ARSG: variants seen among roughly 807,000 people sequenced by gnomAD.
ARSG encodes the protein ASG.
A neutral mutation model predicts 50.5 loss-of-function variants in ARSG; 37 were observed. The ratio of observed to expected loss-of-function variants is 0.73; its 90% CI spans 0.56 to 0.96. ARSG has a LOEUF of 0.96. Ranked by LOEUF, ARSG falls within the 50% of genes least tolerant of loss-of-function variation. ARSG has a pLI of 0.00. For synonymous variants in ARSG, 225 were observed against 254.6 expected (o/e 0.88, Z 1.11); for missense variants, 629 against 675.3 (o/e 0.93, Z 0.76).
chr17:68,305,905 G>C (rs972537506), intron 1 of ARSG, among the ~76,000 whole-genome samples: 16 of 152,058 alleles, frequency 1.1e-4, no homozygotes, highest in Admixed American at 3.9e-4. Flanking sequence ...GTGAAACCCC[G>C]TTTCTACCAA....
chr17:68,450,171 A>AC, the ARSG span, among the ~76,000 whole-genome samples: 37 of 152,076 alleles, frequency 2.4e-4, no homozygotes, highest in Admixed American at 6.5e-4. Flanking sequence ...TACAAAAAAA[A>AC]CAAAAAGTCT....
At chr17:68,347,949 A>G (rs8066423) in intron 4 of ARSG, among the ~76,000 whole-genome samples, 5,220 of 152,188 alleles carry the variant, frequency 0.034, 274 homozygotes, top group African/African-American at 0.12. Context: ...AAACGGCTGA[A>G]TTGTTCTGTC....
At chr17:68,356,903 AGAGTTT>A in intron 6 of ARSG, 99 bp downstream of exon 6, 2 of 1,471,736 alleles carry the variant, frequency 1.4e-6, no homozygotes, top group South Asian at 1.2e-5. Flanking sequence ...AGGCCATGGC[AGAGTTT>A]TGCTGCTCAG....
chr17:68,385,144 G>C lies in ARSG; in HGVS notation c.1063G>C (p.Val355Leu), dbSNP rs764087840. 1 of 1,614,040 alleles carries C rather than the reference G, an allele frequency of 6.2e-7. No homozygotes were observed. The highest frequency in any genetic ancestry group is 1.7e-5 in the Admixed American group (1 of 60,012). Residue 355 changes from valine to leucine, a missense_variant, in exon 9 of 12, where the codon GTT (valine) becomes CTT (leucine). By Grantham distance (32) the Val-to-Leu change is conservative. Transcript: ENST00000621439. ...ALAYWPGRVP[V>L]NVTSTALLSV... ...GGCTTACTGGCCTGGCAGAGTTCCA[G>C]TTAATGTCACCAGCACTGCCTTGTT...
At chr17:68,434,273 G>C in the ARSG span, among the ~76,000 whole-genome samples, 2 of 152,136 alleles carry the variant, frequency 1.3e-5, no homozygotes, top group African/African-American at 2.4e-5. Flanking sequence ...AATTATTTTT[G>C]GATTGTGACT....
chr17:68,397,248 T>G (rs2081286860), intron 10 of ARSG, among the ~76,000 whole-genome samples: 1 of 152,136 alleles, frequency 6.6e-6, no homozygotes, highest in Admixed American at 6.6e-5. Flanking sequence ...CGGGGAGGTA[T>G]GATGGCGTGG....
chr17:68,326,828 A>C (rs556380924), intron 2 of ARSG, among the ~76,000 whole-genome samples: 9 of 152,130 alleles, frequency 5.9e-5, no homozygotes, highest in South Asian at 2.1e-4. Context: ...GGAAACTAAT[A>C]CTTCTTGTGG....
At chr17:68,264,215 T>A (rs546941611) in intron 1 of ARSG, among the ~76,000 whole-genome samples, 1 of 152,332 alleles carries the variant, frequency 6.6e-6, no homozygotes, top group South Asian at 2.1e-4. Context: ...TATGGAAATC[T>A]AAATGTAATA....
Position 68,307,564 on chromosome 17 carries a change from A to C in ARSG, c.71A>C (p.Asp24Ala), listed in dbSNP as rs1555764737. 1.9e-6 allele frequency: 3 copies of C among 1,614,024 alleles called. No individual in the cohort carries two copies. Among genetic ancestry groups the C allele is most frequent in the Non-Finnish European group, 2.5e-6 (3 of 1,179,990 alleles). The part of the protein sequence containing the change: ...SFSGFLYPLV[D>A]FCISGKTRGQ... ...TCAGGATTTCTTTATCCTCTTGTGG[A>C]TTTTTGCATCAGTGGGAAAACAAGA... The change falls in exon 2 of 12, where the codon GAT becomes GCT. Residue 24 changes from aspartate to alanine, a missense_variant. By Grantham distance (126) the Asp-to-Ala change is moderately radical (BLOSUM62 -2). Transcript: ENST00000621439.
intron 10 of ARSG, chr17:68,400,430 G>A (rs2081423364): frequency 6.6e-6 from 1 of 152,244 alleles, no homozygotes; most frequent in Admixed American, 6.5e-5. Context: ...CGATTCTGCG[G>A]AAATCAAGGA....
In ARSG at chr17:68,347,069, G is replaced by A. The variant is rs979428844; in HGVS notation, c.407-56G>A. On this transcript the variant is annotated intron_variant, in intron 3 of 11. Coordinates refer to ENST00000621439, the MANE Select transcript of ARSG (RefSeq NM_001267727.2). Reference sequence around the variant, plus strand: ...TGAGTGTGTGATCAGCTCCTCAGGGGGCTGTGGTACCCCTATGGGGATTCC... The same window carrying A: ...TGAGTGTGTGATCAGCTCCTCAGGGAGCTGTGGTACCCCTATGGGGATTCC... 15 of 1,597,704 alleles carry A rather than the reference G, an allele frequency of 9.4e-6. No individual in the cohort carries two copies. The African/African-American group carries it at 1.9e-4, about 20-fold the overall frequency.
At chr17:68,320,251 C>T (rs1207115409) in intron 2 of ARSG, among the ~76,000 whole-genome samples, 1 of 151,226 alleles carries the variant, frequency 6.6e-6, no homozygotes, top group East Asian at 1.9e-4. Flanking sequence ...GATCGTGCCA[C>T]TGCACTCTGG....
the ARSG span, among the ~76,000 whole-genome samples, chr17:68,447,720 C>T: frequency 9.9e-5 from 15 of 152,136 alleles, no homozygotes; most frequent in Non-Finnish European, 1.5e-4. Flanking sequence ...GGGCCAGGTG[C>T]GGTGGCTCAC....
In ARSG at chr17:68,418,838, G is replaced by A. The variant is rs1212558140; in HGVS notation, c.1304-1351G>A. ...TGCCAGAAAAAGCTCTGCTTCTCCT[G>A]AGCAACTGATAAGTTTCTATCTCAT... On this transcript the variant is annotated intron_variant, in intron 11 of 11. Transcript: ENST00000621439. Among the ~76,000 whole-genome samples the A allele has an allele frequency of 7.5e-4, 114 of 152,152 alleles. 1 individual carries two copies. Among genetic ancestry groups the A allele is most frequent in the Admixed American group, 7.4e-3 (113 of 15,278 alleles).
chr17:68,296,176 G>A (rs141786621), intron 1 of ARSG, among the ~76,000 whole-genome samples: 3 of 152,230 alleles, frequency 2.0e-5, no homozygotes, highest in East Asian at 1.9e-4. Context: ...GTTGTGGGTC[G>A]TGGGATCTCA....
chr17:68,386,112 G>A (rs925927128), intron 9 of ARSG, among the ~76,000 whole-genome samples: 10 of 152,176 alleles, frequency 6.6e-5, no homozygotes, highest in Non-Finnish European at 1.3e-4. Context: ...CATCTCCATG[G>A]CAAAGAACTT....
At chr17:68,293,079 C>T (rs2076074618) in intron 1 of ARSG, among the ~76,000 whole-genome samples, 1 of 152,134 alleles carries the variant, frequency 6.6e-6, no homozygotes, top group South Asian at 2.1e-4. Context: ...TTGCTGACTC[C>T]AACACACTCC....
At chr17:68,396,551 C>T (rs541785228) in intron 10 of ARSG, among the ~76,000 whole-genome samples, 6 of 152,286 alleles carry the variant, frequency 3.9e-5, no homozygotes, top group Admixed American at 2.0e-4. Context: ...CCCTCTGCAA[C>T]GCCCTACAAA....
chr17:68,432,340 T>G, the ARSG span, among the ~76,000 whole-genome samples: 1 of 152,160 alleles, frequency 6.6e-6, no homozygotes, highest in Admixed American at 6.5e-5. Flanking sequence ...AAAAATAGCT[T>G]TCTCCAACTG....
Sources: gnomAD v4.1 joint callset for allele counts (sites outside exome capture counted in the v4.1 genomes callset) on GRCh38, gnomAD v4.1.1 for gene constraint, MANE v1.5 for transcripts, NCBI Gene and HGNC (gene_info 2026-07-23, HGNC 2026-07-21) for gene names.